Variants in FANCA observed in about 807,000 individuals in gnomAD.
FANCA encodes FA complementation group A.
Under a neutral mutation model 194.3 loss-of-function variants are expected in FANCA, and 236 were observed. The ratio of observed to expected loss-of-function variants is 1.21; its 90% CI spans 1.09 to 1.35. The LOEUF is 1.35. FANCA is among the 40% of genes most tolerant of loss of function. The pLI, the probability that FANCA is intolerant of heterozygous loss-of-function variation, is 0.00. For missense variants in FANCA, 2,628 were observed against 1,813.9 expected (o/e 1.45, Z -8.15); for synonymous variants, 1,014 against 715.8 (o/e 1.42, Z -6.65).
chr16:89,767,170 T>G lies in FANCA; in HGVS notation c.2572A>C (p.Ser858Arg). Residue 858 changes from serine (S) to arginine (R), a missense_variant, in exon 27 of 43, where the codon AGC becomes CGC. Physicochemically the swap from Ser to Arg is moderately radical, Grantham distance 110. Coordinates refer to ENST00000389301, the MANE Select transcript of FANCA (RefSeq NM_000135.4). ...FSSQSRDTLC[S>R]CLSPGLIKKF... Reference sequence around the variant, plus strand: ...TTAATAAGGCCTGGAGATAAGCAGCTGCACAAAGTATCTCGTGACTGGGAA... The same window carrying G: ...TTAATAAGGCCTGGAGATAAGCAGCGGCACAAAGTATCTCGTGACTGGGAA... 2 of 1,613,722 alleles carry G rather than the reference T, an allele frequency of 1.2e-6. No homozygotes were observed. Among genetic ancestry groups the G allele is most frequent in the Non-Finnish European group, 8.5e-7 (1 of 1,179,618 alleles).
intron 28 of FANCA, among the ~76,000 whole-genome samples, chr16:89,763,016 G>C (rs1371933740): frequency 6.6e-6 from 1 of 151,710 alleles, no homozygotes; most frequent in Non-Finnish European, 1.5e-5. Flanking sequence ...GGGAGGCCGA[G>C]GCGGGAGGAT....
intron 21 of FANCA, among the ~76,000 whole-genome samples, chr16:89,774,860 G>A (rs529494489): frequency 6.6e-6 from 1 of 151,782 alleles, no homozygotes; most frequent in African/African-American, 2.4e-5. Context: ...TTGAAAGGCC[G>A]AGGCAGGCGG....
chr16:89,792,670 A>C (rs1259138512), intron 11 of FANCA, 123 bp from the exon 12 acceptor site: 1 of 765,358 alleles, frequency 1.3e-6, no homozygotes, highest in African/African-American at 1.7e-5. Flanking sequence ...GAGAGTGTAG[A>C]AAGAAAGATA....
chr16:89,749,613 G>A (rs1468824332), intron 32 of FANCA, 117 bp downstream of exon 32: 10 of 1,272,916 alleles, frequency 7.9e-6, no homozygotes, highest in Non-Finnish European at 1.1e-5. Context: ...TTGGGGTGGG[G>A]ACACACAGAC....
At chr16:89,776,511 C>T (rs920417344) in intron 20 of FANCA, among the ~76,000 whole-genome samples, 5 of 150,334 alleles carry the variant, frequency 3.3e-5, no homozygotes, top group East Asian at 4.0e-4. Flanking sequence ...CTAAGAAAAA[C>T]GTTTAGTTCG....
rs767053728 is a variant in FANCA, at chr16:89,764,876, G to A, written c.2778+14C>T. ...AGGACGTGGCATGATGCAGGAGAAG[G>A]AACGGTCACCTACGTGAACATCTTC... On this transcript the variant is annotated intron_variant, in intron 28 of 42. Transcript: ENST00000389301. 11 of 1,613,354 alleles carry A rather than the reference G, an allele frequency of 6.8e-6. No individual in the cohort carries two copies. In the Admixed American group the frequency reaches 1.8e-4, roughly 27 times the overall value.
In FANCA at chr16:89,761,922, G is replaced by C. The variant is rs768595421; in HGVS notation, c.2852+27C>G. The stretch of plus-strand genomic sequence containing the variant: ...TTATAGGTGTGAGCCATCATGCCTG[G>C]CCAGGGTAGCTCTTTTCAACACTTA... On this transcript the variant is annotated intron_variant, in intron 29 of 42. Transcript: ENST00000389301. 1.8e-5 allele frequency: 29 copies of C among 1,591,686 alleles called. No homozygotes were observed. In the South Asian group the frequency reaches 3.1e-4, roughly 17 times the overall value.
At chr16:89,811,181 T>G in intron 3 of FANCA, 110 bp from the exon 4 acceptor site, 1 of 1,447,624 alleles carries the variant, frequency 6.9e-7, no homozygotes, top group Non-Finnish European at 9.5e-7. Flanking sequence ...CAAAAAAAAT[T>G]GCCTTTTAAA....
intron 2 of FANCA, 56 bp from the exon 3 acceptor site, chr16:89,814,669 G>A (rs964498545): frequency 1.2e-4 from 154 of 1,312,208 alleles, no homozygotes; most frequent in Admixed American, 5.2e-4. Context: ...CAGGCCAGGC[G>A]TAGTGGCTCA....
intron 2 of FANCA, among the ~76,000 whole-genome samples, 176 bp downstream of exon 2, chr16:89,815,701 T>A (rs1012940229): frequency 6.6e-6 from 1 of 151,602 alleles, no homozygotes; most frequent in Non-Finnish European, 1.5e-5. Flanking sequence ...AGAGGCGGGG[T>A]CTCACCCCGT....
chr16:89,786,888 A>G (rs2039916234), intron 14 of FANCA, among the ~76,000 whole-genome samples: 1 of 152,168 alleles, frequency 6.6e-6, no homozygotes, highest in African/African-American at 2.4e-5. Context: ...TCTCCCGCCA[A>G]GCACACCATG....
intron 34 of FANCA, 45 bp from the exon 35 acceptor site, chr16:89,746,733 C>T: frequency 6.2e-7 from 1 of 1,604,268 alleles, no homozygotes; most frequent in Non-Finnish European, 8.5e-7. Context: ...TGTGAGGACC[C>T]ACAACTAGTA....
intron 34 of FANCA, 60 bp from the exon 35 acceptor site, chr16:89,746,748 G>A: frequency 6.3e-7 from 1 of 1,599,970 alleles, no homozygotes; most frequent in Non-Finnish European, 8.6e-7. Flanking sequence ...CTAGTAGAGT[G>A]AAGGAACTCA....
chr16:89,764,974 A>T lies in FANCA; in HGVS notation c.2694T>A (p.Leu898=). ...VASLSWRPLH[L]PSADWQRAAL... ...CAGCTCTCTGCCAGTCTGCAGAAGGAAGGTGCAAGGGTCTCCAGGAAAGGC... is the reference window on the plus strand; with the variant it reads ...CAGCTCTCTGCCAGTCTGCAGAAGGTAGGTGCAAGGGTCTCCAGGAAAGGC... The change falls in exon 28 of 43, where the codon CTT becomes CTA. Residue 898 remains leucine, a synonymous_variant. Transcript: ENST00000389301. 6.2e-7 allele frequency: 1 copy of T among 1,614,202 alleles called. No individual in the cohort carries two copies. The highest frequency in any genetic ancestry group is 8.5e-7 in the Non-Finnish European group (1 of 1,180,018).
rs571449307 is a variant in FANCA, at chr16:89,775,770, G to T, written c.1872C>A (p.Ala624=). Residue 624 remains alanine (A), a synonymous_variant, in exon 21 of 43, where the codon GCC becomes GCA. Coordinates refer to ENST00000389301, the MANE Select transcript of FANCA (RefSeq NM_000135.4). Reference sequence around the variant, plus strand: ...CTGGCTTCTCTTCAGCAGCAGAGCAGGCCTGGCAGTAGGTGGAGTACAGAG... The same window carrying T: ...CTGGCTTCTCTTCAGCAGCAGAGCATGCCTGGCAGTAGGTGGAGTACAGAG... The part of the protein sequence containing the change: ...PPSLYSTYCQ[A]CSAAEEKPED... 1.2e-5 allele frequency: 19 copies of T among 1,612,950 alleles called. No homozygotes were observed. In the East Asian group the frequency reaches 3.1e-4, roughly 26 times the overall value.
chr16:89,814,034 G>C (rs17232148), intron 3 of FANCA, among the ~76,000 whole-genome samples: 1,884 of 152,266 alleles, frequency 0.012, 16 homozygotes, highest in Non-Finnish European at 0.019. Context: ...GTTGTCAAGG[G>C]AGCGCTATTA....
At chr16:89,813,889 C>G (rs554179480) in intron 3 of FANCA, among the ~76,000 whole-genome samples, 2 of 151,892 alleles carry the variant, frequency 1.3e-5, no homozygotes, top group East Asian at 3.9e-4. Flanking sequence ...AAAACAAACT[C>G]AAAAATTAAT....
At position 89,773,431 on chromosome 16, in the gene FANCA, T is replaced by C. The variant is rs1218370472; in HGVS notation, c.1901-47A>G. The C allele has an allele frequency of 3.0e-6, 4 of 1,318,184 alleles. No homozygotes were observed. In the South Asian group the frequency reaches 5.0e-5, roughly 17 times the overall value. The allele number at this position is 1,318,184 out of a possible 1,614,324, so 81.7% of individuals were successfully genotyped here. ...CAGATGGAAAGACACTCAACAGGACTCTTCACTGCAAAAATAGAAACTTCA... is the reference window on the plus strand; with the variant it reads ...CAGATGGAAAGACACTCAACAGGACCCTTCACTGCAAAAATAGAAACTTCA... On this transcript the variant is annotated intron_variant, in intron 21 of 42. Transcript: ENST00000389301.
intron 11 of FANCA, among the ~76,000 whole-genome samples, chr16:89,794,248 C>T (rs2040169866): frequency 6.6e-6 from 1 of 152,116 alleles, no homozygotes; most frequent in Non-Finnish European, 1.5e-5. Flanking sequence ...TTTCAATTTT[C>T]CTGCTTTTAA....
Sources: gnomAD v4.1 joint callset for allele counts (sites outside exome capture counted in the v4.1 genomes callset) on GRCh38, gnomAD v4.1.1 for gene constraint, MANE v1.5 for transcripts, NCBI Gene and HGNC (gene_info 2026-07-23, HGNC 2026-07-21) for gene names.